The following SEMA4D variants were observed in gnomAD, a reference collection of about 807,000 sequenced individuals.
SEMA4D encodes semaphorin-4D.
A neutral mutation model predicts 74.8 loss-of-function variants in SEMA4D; 22 were observed. The ratio of observed to expected loss-of-function variants is 0.29; its 90% CI spans 0.21 to 0.42. The LOEUF (loss-of-function observed/expected upper bound fraction) is 0.42. SEMA4D is among the 10% of genes least tolerant of loss of function. The pLI is 1.00. For missense variants in SEMA4D, 937 were observed against 1,118.4 expected, an observed-to-expected ratio of 0.84 and a Z score of 2.31; for synonymous variants, 445 against 463.7, an observed-to-expected ratio of 0.96 and a Z score of 0.52.
intron 5 of SEMA4D, among the ~76,000 whole-genome samples, 198 bp from the exon 6 acceptor site, chr9:89,397,033 A>G (rs527249103): frequency 6.6e-6 from 1 of 152,278 alleles, no homozygotes; most frequent in African/African-American, 2.4e-5. Context: ...TCCTCTTCAC[A>G]CACTGGCCTG....
rs1838219737 is a variant in SEMA4D at position 89,385,403 on chromosome 9, C to G, written c.1446+964G>C. 1.1e-5 allele frequency: 11 copies of G among 985,346 alleles called. No homozygotes were observed. In the South Asian group the frequency reaches 5.2e-4, roughly 46 times the overall value. The allele number at this position is 985,346 out of a possible 1,614,324, so 61.0% of individuals were successfully genotyped here. On this transcript the variant is annotated intron_variant, in intron 13 of 15. Transcript: ENST00000422704. ...TGGCCCCAGAAGAGCTTCTGGGTCCCCTTCTTTCAACAACGAGGCTGGGGT... is the reference window on the plus strand; with the variant it reads ...TGGCCCCAGAAGAGCTTCTGGGTCCGCTTCTTTCAACAACGAGGCTGGGGT...
chr9:89,363,692 TG>T (rs1564477457), intron 17 of SEMA4D: 1 of 1,596,882 alleles, frequency 6.3e-7, no homozygotes, highest in African/African-American at 1.3e-5. Flanking sequence ...TTGTAAATAG[TG>T]AAAAATTACC....
chr9:89,365,674 C>G (rs1330748206), intron 16 of SEMA4D: 2 of 152,226 alleles, frequency 1.3e-5, no homozygotes, highest in African/African-American at 4.8e-5. Context: ...CAAAAGAGTC[C>G]AAAGTACCTG....
intron 1 of SEMA4D, among the ~76,000 whole-genome samples, chr9:89,456,416 A>T (rs939434210): frequency 2.6e-5 from 4 of 152,250 alleles, no homozygotes; most frequent in African/African-American, 9.6e-5. Flanking sequence ...ACAGTCCCTA[A>T]TTTAAAATCA....
chr9:89,486,289 G>T (rs1825198242), intron 1 of SEMA4D, among the ~76,000 whole-genome samples: 1 of 152,164 alleles, frequency 6.6e-6, no homozygotes, highest in East Asian at 1.9e-4. Flanking sequence ...AGCCTAGAGG[G>T]ATGGAAAACA....
At chr9:89,450,656 CCAGGAAAAAA>C in intron 2 of SEMA4D, 1 of 302,438 alleles carries the variant, frequency 3.3e-6, no homozygotes, top group Non-Finnish European at 5.1e-6. Flanking sequence ...GTCGAAAAAC[CCAGGAAAAAA>C]AAAAAAAAAA....
At chr9:89,369,872 G>GTGTA (rs1185130732) in intron 16 of SEMA4D, among the ~76,000 whole-genome samples, 2 of 152,126 alleles carry the variant, frequency 1.3e-5, no homozygotes, top group African/African-American at 4.8e-5. Context: ...AACAATGTGT[G>GTGTA]TGTGTGTGTG....
At chr9:89,436,908 G>A (rs1053449984) in intron 2 of SEMA4D, among the ~76,000 whole-genome samples, 11 of 152,348 alleles carry the variant, frequency 7.2e-5, no homozygotes, top group African/African-American at 2.4e-4. Flanking sequence ...CTAAGGCCAC[G>A]GGACAATGGG....
At chr9:89,426,146 C>CT (rs1261919600) in intron 2 of SEMA4D, among the ~76,000 whole-genome samples, 1 of 152,218 alleles carries the variant, frequency 6.6e-6, no homozygotes, top group Admixed American at 6.5e-5. Flanking sequence ...CGGGATCCTC[C>CT]TCCCCTGCTG....
chr9:89,445,476 G>A (rs530683988), intron 2 of SEMA4D, among the ~76,000 whole-genome samples: 9 of 152,340 alleles, frequency 5.9e-5, no homozygotes, highest in African/African-American at 2.2e-4. Context: ...GCAGGACCAT[G>A]CTCGCTCTGG....
chr9:89,380,148 TCA>T (rs1836698770), intron 15 of SEMA4D, among the ~76,000 whole-genome samples: 1 of 152,060 alleles, frequency 6.6e-6, no homozygotes, highest in African/African-American at 2.4e-5. Flanking sequence ...TCTTCCCACC[TCA>T]GTCTCCAGAG....
rs376612241 is a variant in SEMA4D, at chr9:89,440,508, G to A, written c.-244+15380C>T. On this transcript the variant is annotated intron_variant, in intron 2 of 15. Transcript: ENST00000422704. ...CCCTGGCCCCTGAGCCCTACCCTCC[G>A]CTTGCCCTCCACACTCAGCCCCCAA... Among the ~76,000 whole-genome samples, 8 of 133,750 alleles carry A rather than the reference G, an allele frequency of 6.0e-5. No individual in the cohort carries two copies. The South Asian group carries it at 9.7e-4, about 16-fold the overall frequency. The allele number at this position is 133,750 out of a possible 152,430, so 87.7% of individuals were successfully genotyped here.
chr9:89,392,312 T>A, intron 8 of SEMA4D, 111 bp downstream of exon 8: 1 of 754,648 alleles, frequency 1.3e-6, no homozygotes, highest in Non-Finnish European at 2.3e-6. Flanking sequence ...AAACAGGGGC[T>A]AACACAAGCT....
intron 1 of SEMA4D, among the ~76,000 whole-genome samples, chr9:89,474,137 A>T (rs1861165016): frequency 6.6e-6 from 1 of 152,164 alleles, no homozygotes; most frequent in Non-Finnish European, 1.5e-5. Context: ...TCTGGGCTCA[A>T]GTCCTCCCAC....
At chr9:89,449,593 C>T (rs1349504565) in intron 2 of SEMA4D, 6 of 910,746 alleles carry the variant, frequency 6.6e-6, no homozygotes, top group East Asian at 4.8e-5. Context: ...AGCAAACTAT[C>T]GCCGAGGACC....
chr9:89,495,903 C>T (rs748307673), intron 1 of SEMA4D, among the ~76,000 whole-genome samples: 10 of 151,952 alleles, frequency 6.6e-5, no homozygotes, highest in Non-Finnish European at 1.0e-4. Context: ...CTTTGCAATG[C>T]ATTATTGATT....
intron 2 of SEMA4D, among the ~76,000 whole-genome samples, chr9:89,429,861 G>C (rs1310284186): frequency 6.6e-6 from 1 of 152,170 alleles, no homozygotes; most frequent in Non-Finnish European, 1.5e-5. Context: ...CATGGTGGAT[G>C]GAGTGGCCAG....
At chr9:89,363,853 A>G (rs1206588931) in exon 17 of SEMA4D, 3 of 1,614,160 alleles carry the variant, frequency 1.9e-6, no homozygotes, top group South Asian at 2.2e-5. Context: ...AGCTGAGTGC[A>G]TGGGCCCTGC....
chr9:89,464,485 GA>G (rs1357636399), intron 1 of SEMA4D, among the ~76,000 whole-genome samples: 1 of 152,244 alleles, frequency 6.6e-6, no homozygotes, highest in African/African-American at 2.4e-5. Context: ...ATCTGGACAG[GA>G]AAAGACAGGA....
Sources: gnomAD v4.1 joint callset for allele counts (sites outside exome capture counted in the v4.1 genomes callset) on GRCh38, gnomAD v4.1.1 for gene constraint, MANE v1.5 for transcripts, NCBI Gene and HGNC (gene_info 2026-07-23, HGNC 2026-07-21) for gene names.